CACNA2D1: variants seen among roughly 807,000 people sequenced by gnomAD.
The protein encoded by CACNA2D1 is calcium voltage-gated channel auxiliary subunit alpha2delta 1.
A neutral mutation model predicts 171.5 loss-of-function variants in CACNA2D1; 53 were observed. That is an observed-to-expected ratio of 0.31 (90% CI 0.25 to 0.39). CACNA2D1 has a LOEUF of 0.39. Ranked by LOEUF, CACNA2D1 falls within the 10% of genes least tolerant of loss-of-function variation. The pLI, the probability that CACNA2D1 is intolerant of heterozygous loss-of-function variation, is 1.00. For synonymous variants in CACNA2D1, 442 were observed against 443.1 expected (o/e 1.00, Z 0.03); for missense variants, 903 against 1,299.8 (o/e 0.69, Z 4.69).
At position 82,106,605 on chromosome 7, in the gene CACNA2D1, C is replaced by A. The variant is rs141316363; in HGVS notation, c.526+10439G>T. Among the ~76,000 whole-genome samples, 159 of 151,830 alleles carry A rather than the reference C, an allele frequency of 1.0e-3. 1 individual carries two copies. Among genetic ancestry groups the A allele is most frequent in the African/African-American group, 3.7e-3 (153 of 41,390 alleles). ...AATAAAGCAATAACTGGATTTTTTG[C>A]AAATCCCTGAATATTCTTATTCCAT... On this transcript the variant is annotated intron_variant, in intron 6 of 38. Coordinates refer to ENST00000356860, the MANE Select transcript of CACNA2D1 (RefSeq NM_000722.4).
intron 18 of CACNA2D1, among the ~76,000 whole-genome samples, chr7:82,004,504 CA>C (rs1204760876): frequency 6.6e-6 from 1 of 151,568 alleles, no homozygotes; most frequent in Non-Finnish European, 1.5e-5. Flanking sequence ...CATTCAATAT[CA>C]ATAGTTCTCT....
chr7:82,301,276 G>A (rs571712163), intron 3 of CACNA2D1, among the ~76,000 whole-genome samples: 11 of 152,156 alleles, frequency 7.2e-5, no homozygotes, highest in Admixed American at 2.0e-4. Context: ...ACAGGCATGC[G>A]CCACCACACC....
intron 1 of CACNA2D1, among the ~76,000 whole-genome samples, chr7:82,392,577 C>A (rs1285187462): frequency 6.6e-6 from 1 of 152,202 alleles, no homozygotes; most frequent in Non-Finnish European, 1.5e-5. Context: ...GAGTGTAACA[C>A]CTCCTGTGGC....
At chr7:82,126,420 A>G (rs930773212) in intron 5 of CACNA2D1, among the ~76,000 whole-genome samples, 1 of 152,218 alleles carries the variant, frequency 6.6e-6, no homozygotes, top group African/African-American at 2.4e-5. Context: ...TCTCTTCTGT[A>G]TATTTAAAAT....
chr7:82,032,290 C>T (rs1436532926), intron 12 of CACNA2D1, among the ~76,000 whole-genome samples: 1 of 151,804 alleles, frequency 6.6e-6, no homozygotes, highest in East Asian at 1.9e-4. Flanking sequence ...GATTTGTCTT[C>T]ATCTTTTCTT....
At chr7:82,420,106 T>C (rs890040211) in intron 1 of CACNA2D1, among the ~76,000 whole-genome samples, 3 of 152,166 alleles carry the variant, frequency 2.0e-5, no homozygotes, top group African/African-American at 7.2e-5. Context: ...TGAGAAAAAT[T>C]AGTGGTTTTG....
chr7:82,007,599 T>A, intron 16 of CACNA2D1, 80 bp downstream of exon 16: 1 of 816,258 alleles, frequency 1.2e-6, no homozygotes, highest in Non-Finnish European at 2.1e-6. Flanking sequence ...TATTTTCTTA[T>A]GGAAATATCT....
At chr7:82,114,091 G>T (rs1788745249) in intron 6 of CACNA2D1, among the ~76,000 whole-genome samples, 1 of 151,988 alleles carries the variant, frequency 6.6e-6, no homozygotes, top group Non-Finnish European at 1.5e-5. Context: ...TTTACAAATA[G>T]TTTATTTTAA....
chr7:82,103,369 T>C (rs1480464216), intron 6 of CACNA2D1, among the ~76,000 whole-genome samples: 3 of 152,116 alleles, frequency 2.0e-5, no homozygotes, highest in East Asian at 1.9e-4. Context: ...TTGTTCTAAA[T>C]GAAGCAAAAG....
intron 3 of CACNA2D1, among the ~76,000 whole-genome samples, chr7:82,203,171 C>T (rs1585088567): frequency 6.6e-6 from 1 of 152,240 alleles, no homozygotes. Context: ...CCAGAGGCCA[C>T]GTGTGGAGCT....
At chr7:82,114,282 G>C (rs1465718887) in intron 6 of CACNA2D1, among the ~76,000 whole-genome samples, 2 of 152,176 alleles carry the variant, frequency 1.3e-5, no homozygotes, top group Non-Finnish European at 2.9e-5. Flanking sequence ...AAGTTATAAA[G>C]TGATTTCAAC....
chr7:82,182,177 C>T (rs938286305), intron 3 of CACNA2D1, among the ~76,000 whole-genome samples: 1 of 152,038 alleles, frequency 6.6e-6, no homozygotes, highest in Non-Finnish European at 1.5e-5. Flanking sequence ...GTGTAGGCTT[C>T]AGGATTTCAT....
chr7:82,212,687 TTGTC>T (rs1385518454), intron 3 of CACNA2D1, among the ~76,000 whole-genome samples: 1 of 152,214 alleles, frequency 6.6e-6, no homozygotes, highest in Admixed American at 6.5e-5. Context: ...CCTTTAGACT[TTGTC>T]TGAACTGGCA....
At chr7:82,049,692 G>C (rs1804977622) in intron 10 of CACNA2D1, among the ~76,000 whole-genome samples, 1 of 152,154 alleles carries the variant, frequency 6.6e-6, no homozygotes, top group Admixed American at 6.5e-5. Context: ...TGCTGCATTT[G>C]TACCCATTGC....
At chr7:82,302,633 G>A (rs897968446) in intron 3 of CACNA2D1, among the ~76,000 whole-genome samples, 18 of 152,038 alleles carry the variant, frequency 1.2e-4, no homozygotes, top group African/African-American at 3.1e-4. Context: ...GGCTGGTCTC[G>A]AACTCCCGAC....
At chr7:82,211,798 A>G (rs1457357850) in intron 3 of CACNA2D1, among the ~76,000 whole-genome samples, 1 of 152,156 alleles carries the variant, frequency 6.6e-6, no homozygotes, top group Non-Finnish European at 1.5e-5. Context: ...ACTTTCCACA[A>G]TGGCTGAACT....
chr7:82,050,813 G>A, intron 10 of CACNA2D1: 2 of 547,200 alleles, frequency 3.7e-6, no homozygotes, highest in East Asian at 3.1e-5. Flanking sequence ...ATTTCACTTG[G>A]TACTCAACAA....
At chr7:82,107,673 TC>T (rs1286188702) in intron 6 of CACNA2D1, among the ~76,000 whole-genome samples, 5 of 147,112 alleles carry the variant, frequency 3.4e-5, no homozygotes, top group African/African-American at 1.2e-4. Flanking sequence ...AACCTCCACC[TC>T]CCAGGTTCAA....
chr7:82,297,907 A>C (rs370434376), intron 3 of CACNA2D1, among the ~76,000 whole-genome samples: 9 of 152,318 alleles, frequency 5.9e-5, no homozygotes, highest in African/African-American at 2.2e-4. Flanking sequence ...ACGGATATAT[A>C]AGAAGCAGAA....
Sources: gnomAD v4.1 joint callset for allele counts (sites outside exome capture counted in the v4.1 genomes callset) on GRCh38, gnomAD v4.1.1 for gene constraint, MANE v1.5 for transcripts, NCBI Gene and HGNC (gene_info 2026-07-23, HGNC 2026-07-21) for gene names.